Variants in OLA1 observed in about 807,000 individuals in gnomAD.
OLA1 encodes the protein obg-like ATPase 1.
OLA1 carries 14 observed loss-of-function variants against 48.4 expected under a neutral mutation model. The observed-to-expected ratio is 0.29, with a 90% CI of 0.19 to 0.45. The LOEUF (loss-of-function observed/expected upper bound fraction) is 0.45. Ranked by LOEUF, OLA1 falls within the 20% of genes least tolerant of loss-of-function variation. The pLI, the probability that OLA1 is intolerant of heterozygous loss-of-function variation, is 1.00. For synonymous variants in OLA1, 127 were observed against 150.4 expected (o/e 0.84, Z 1.14); for missense variants, 325 against 467.1 (o/e 0.70, Z 2.80).
intron 4 of OLA1, among the ~76,000 whole-genome samples, chr2:174,206,925 G>GA (rs1007705953): frequency 3.9e-5 from 6 of 152,014 alleles, no homozygotes; most frequent in Non-Finnish European, 8.8e-5. Flanking sequence ...AGGACCCAAG[G>GA]AAAAAACTCC....
intron 7 of OLA1, among the ~76,000 whole-genome samples, chr2:174,085,832 A>G (rs1684963244): frequency 1.3e-5 from 2 of 152,192 alleles, no homozygotes; most frequent in African/African-American, 4.8e-5. Flanking sequence ...AACTTGTTTA[A>G]TAAGTTCTTT....
chr2:174,107,869 C>A (rs1408647191), intron 7 of OLA1, among the ~76,000 whole-genome samples: 1 of 151,900 alleles, frequency 6.6e-6, no homozygotes, highest in African/African-American at 2.4e-5. Flanking sequence ...GACAGGGCAT[C>A]CTTCAGATAT....
chr2:174,135,297 A>G (rs1336197492), intron 5 of OLA1, among the ~76,000 whole-genome samples: 1 of 152,210 alleles, frequency 6.6e-6, no homozygotes, highest in Non-Finnish European at 1.5e-5. Context: ...AGTAATGGTA[A>G]GCCAGGCAAA....
intron 10 of OLA1, among the ~76,000 whole-genome samples, chr2:174,076,615 C>A (rs1684743176): frequency 6.6e-6 from 1 of 151,862 alleles, no homozygotes; most frequent in African/African-American, 2.4e-5. Flanking sequence ...TTGCAGAGCC[C>A]TAGTAAGCAT....
At chr2:174,113,904 C>T (rs188779090) in intron 7 of OLA1, among the ~76,000 whole-genome samples, 122 of 152,204 alleles carry the variant, frequency 8.0e-4, no homozygotes, top group African/African-American at 2.8e-3. Context: ...GTAAAATGGG[C>T]ATGATAATAT....
At chr2:174,157,304 G>C (rs1385594391) in intron 4 of OLA1, among the ~76,000 whole-genome samples, 2 of 152,088 alleles carry the variant, frequency 1.3e-5, no homozygotes, top group African/African-American at 4.8e-5. Context: ...GCCTAACAGG[G>C]GAGACAGATC....
chr2:174,208,679 A>G (rs925975167), intron 4 of OLA1, among the ~76,000 whole-genome samples: 1 of 152,090 alleles, frequency 6.6e-6, no homozygotes, highest in Non-Finnish European at 1.5e-5. Flanking sequence ...TCTCCCACCA[A>G]ACCTGATGTT....
At chr2:174,235,475 A>C (rs1688827243) in intron 2 of OLA1, among the ~76,000 whole-genome samples, 1 of 152,192 alleles carries the variant, frequency 6.6e-6, no homozygotes, top group Non-Finnish European at 1.5e-5. Flanking sequence ...CCAGACAAAA[A>C]TCTATGAAAT....
At chr2:174,213,354 G>A (rs577372872) in intron 4 of OLA1, among the ~76,000 whole-genome samples, 1 of 152,230 alleles carries the variant, frequency 6.6e-6, no homozygotes, top group Non-Finnish European at 1.5e-5. Flanking sequence ...CTGACAGTAG[G>A]TATAGTGATA....
chr2:174,190,449 A>G (rs998477358), intron 4 of OLA1, among the ~76,000 whole-genome samples: 2 of 152,118 alleles, frequency 1.3e-5, no homozygotes, highest in African/African-American at 4.8e-5. Flanking sequence ...TCCTTGCACA[A>G]AACTAGTAAG....
intron 7 of OLA1, among the ~76,000 whole-genome samples, chr2:174,104,497 T>A (rs571058509): frequency 3.1e-4 from 47 of 152,228 alleles, no homozygotes; most frequent in African/African-American, 1.1e-3. Flanking sequence ...TAATGCAGCA[T>A]AACATAGCAG....
At chr2:174,106,465 T>C (rs1393224947) in intron 7 of OLA1, among the ~76,000 whole-genome samples, 2 of 152,002 alleles carry the variant, frequency 1.3e-5, no homozygotes, top group African/African-American at 4.8e-5. Context: ...GATAAATGAG[T>C]TTACCTCACT....
chr2:174,189,695 T>C (rs960963968), intron 4 of OLA1, among the ~76,000 whole-genome samples: 2 of 152,108 alleles, frequency 1.3e-5, no homozygotes, highest in African/African-American at 4.8e-5. Context: ...CAAAATGGTA[T>C]AACTCCTAAA....
At chr2:174,171,422 C>T (rs1166510973) in intron 4 of OLA1, among the ~76,000 whole-genome samples, 2 of 151,922 alleles carry the variant, frequency 1.3e-5, no homozygotes, top group African/African-American at 4.8e-5. Context: ...GAGGATGATC[C>T]CTATCTATTA....
intron 4 of OLA1, among the ~76,000 whole-genome samples, chr2:174,203,762 T>C (rs967692598): frequency 3.9e-5 from 6 of 151,934 alleles, no homozygotes; most frequent in Admixed American, 1.3e-4. Context: ...ATGTATACTG[T>C]ACAATTTTAT....
intron 5 of OLA1, among the ~76,000 whole-genome samples, chr2:174,127,716 T>C (rs970022031): frequency 6.6e-6 from 1 of 152,120 alleles, no homozygotes; most frequent in African/African-American, 2.4e-5. Context: ...TTGATGGCAA[T>C]ACTCAAATGT....
chr2:174,182,146 T>C (rs1009638481), intron 4 of OLA1, among the ~76,000 whole-genome samples: 1 of 152,222 alleles, frequency 6.6e-6, no homozygotes, highest in Non-Finnish European at 1.5e-5. Flanking sequence ...TAAACTGTAG[T>C]ATGTTCCTAT....
At chr2:174,242,970 G>A (rs1030307958) in intron 2 of OLA1, among the ~76,000 whole-genome samples, 2 of 151,956 alleles carry the variant, frequency 1.3e-5, no homozygotes, top group African/African-American at 4.8e-5. Flanking sequence ...CAGCAGGCGT[G>A]AGCCACCACA....
chr2:174,111,325 C>T (rs974321873), intron 7 of OLA1, among the ~76,000 whole-genome samples: 1 of 152,144 alleles, frequency 6.6e-6, no homozygotes, highest in Non-Finnish European at 1.5e-5. Flanking sequence ...GCATGAAAAG[C>T]ATGCTATAAA....
Sources: gnomAD v4.1 joint callset for allele counts (sites outside exome capture counted in the v4.1 genomes callset) on GRCh38, gnomAD v4.1.1 for gene constraint, MANE v1.5 for transcripts, NCBI Gene and HGNC (gene_info 2026-07-23, HGNC 2026-07-21) for gene names.